Variants in GRAMD1B observed in about 807,000 individuals in gnomAD.
The protein encoded by GRAMD1B is GRAM domain containing 1B.
A neutral mutation model predicts 99.7 loss-of-function variants in GRAMD1B; 37 were observed. The ratio of observed to expected loss-of-function variants is 0.37; its 90% CI spans 0.29 to 0.49. The LOEUF is 0.49. GRAMD1B is among the 20% of genes least tolerant of loss of function. The pLI, the probability that GRAMD1B is intolerant of heterozygous loss-of-function variation, is 0.98. For synonymous variants in GRAMD1B, 427 were observed against 387.6 expected (o/e 1.10, Z -1.19); for missense variants, 888 against 1,009.2 (o/e 0.88, Z 1.63).
chr11:123,399,552 C>T (rs1005740736), intron 1 of GRAMD1B, among the ~76,000 whole-genome samples: 12 of 152,148 alleles, frequency 7.9e-5, no homozygotes, highest in Non-Finnish European at 1.6e-4. Flanking sequence ...TTCTCGCCAA[C>T]AGTGTGCAAG....
At chr11:123,440,101 A>G (rs984852481) in intron 1 of GRAMD1B, among the ~76,000 whole-genome samples, 3 of 152,238 alleles carry the variant, frequency 2.0e-5, no homozygotes, top group African/African-American at 7.2e-5. Flanking sequence ...TAGTTTAGTG[A>G]CACATTTTTG....
At chr11:123,530,029 A>G (rs1293962088) in intron 2 of GRAMD1B, among the ~76,000 whole-genome samples, 1 of 152,170 alleles carries the variant, frequency 6.6e-6, no homozygotes. Flanking sequence ...GACAGAGAGC[A>G]GGTGAAGCAT....
chr11:123,466,743 A>G (rs1039017800), intron 1 of GRAMD1B, among the ~76,000 whole-genome samples: 1 of 152,222 alleles, frequency 6.6e-6, no homozygotes, highest in South Asian at 2.1e-4. Flanking sequence ...GTTTTGACCA[A>G]TTCTTACAAA....
intron 1 of GRAMD1B, among the ~76,000 whole-genome samples, chr11:123,438,669 G>A (rs1417829412): frequency 6.6e-6 from 1 of 152,186 alleles, no homozygotes; most frequent in Non-Finnish European, 1.5e-5. Flanking sequence ...TTTCCTTGGT[G>A]GTTATGCACT....
intron 8 of GRAMD1B, among the ~76,000 whole-genome samples, chr11:123,601,545 GTA>G (rs1555097213): frequency 7.1e-6 from 1 of 141,550 alleles, no homozygotes; most frequent in African/African-American, 2.6e-5. Flanking sequence ...GTGTGTGTGT[GTA>G]TGATTGACAT....
At position 123,466,766 on chromosome 11, in the gene GRAMD1B, G is replaced by A. The variant is rs572746656; in HGVS notation, c.375-14050G>A. Among the ~76,000 whole-genome samples the A allele has an allele frequency of 2.0e-5, 3 of 152,302 alleles. No individual in the cohort carries two copies. In the South Asian group the frequency reaches 6.2e-4, roughly 32 times the overall value. ...CAATTCTTACAAACTTCAAGTTCTG[G>A]GAAGCAACTTGGTTGACCACATTAC... On this transcript the variant is annotated intron_variant, in intron 1 of 19. Coordinates refer to ENST00000635736, the MANE Select transcript of GRAMD1B (RefSeq NM_001387025.1).
At chr11:123,517,569 G>A (rs1021537417) in intron 2 of GRAMD1B, among the ~76,000 whole-genome samples, 2 of 152,162 alleles carry the variant, frequency 1.3e-5, no homozygotes, top group Non-Finnish European at 2.9e-5. Flanking sequence ...GTTGCTCAAG[G>A]TCACATAGCT....
chr11:123,385,941 G>T (rs1393810331), intron 1 of GRAMD1B, among the ~76,000 whole-genome samples: 1 of 152,138 alleles, frequency 6.6e-6, no homozygotes. Flanking sequence ...TATGCTTTGT[G>T]AAGTGGCCAA....
intron 2 of GRAMD1B, among the ~76,000 whole-genome samples, chr11:123,544,393 C>T (rs1944853341): frequency 2.0e-5 from 3 of 152,192 alleles, no homozygotes; most frequent in African/African-American, 4.8e-5. Flanking sequence ...CCCTGACCAC[C>T]TTTCCTTCCT....
chr11:123,499,374 T>C (rs576524947), intron 2 of GRAMD1B, among the ~76,000 whole-genome samples: 5 of 152,314 alleles, frequency 3.3e-5, no homozygotes, highest in Non-Finnish European at 7.3e-5. Context: ...CTTTATAAAT[T>C]AACCAGTCTG....
intron 2 of GRAMD1B, among the ~76,000 whole-genome samples, chr11:123,555,109 C>T (rs1461962302): frequency 6.6e-6 from 1 of 152,168 alleles, no homozygotes; most frequent in Non-Finnish European, 1.5e-5. Context: ...CAAGATATAA[C>T]ATTGTGCCAG....
intron 2 of GRAMD1B, among the ~76,000 whole-genome samples, chr11:123,484,778 GA>G (rs1275001217): frequency 6.6e-6 from 1 of 152,062 alleles, no homozygotes; most frequent in African/African-American, 2.4e-5. Flanking sequence ...CCTTCTCCTG[GA>G]GAGAACAAGT....
chr11:123,608,128 C>T (rs991562664), intron 11 of GRAMD1B: 4 of 196,688 alleles, frequency 2.0e-5, no homozygotes, highest in African/African-American at 4.6e-5. Context: ...AATAGGCTGT[C>T]TTATGGAACT....
intron 2 of GRAMD1B, among the ~76,000 whole-genome samples, chr11:123,489,034 A>T (rs1159502174): frequency 6.6e-6 from 1 of 152,062 alleles, no homozygotes. Context: ...TGGGCATGGA[A>T]GTGGGGCAGA....
chr11:123,570,829 T>A (rs895402727), intron 2 of GRAMD1B, among the ~76,000 whole-genome samples: 9 of 152,244 alleles, frequency 5.9e-5, no homozygotes, highest in African/African-American at 2.2e-4. Flanking sequence ...AGTAGTCCTA[T>A]GAGATAGGTG....
intron 1 of GRAMD1B, among the ~76,000 whole-genome samples, chr11:123,440,679 T>G (rs1270869099): frequency 6.6e-6 from 1 of 152,228 alleles, no homozygotes; most frequent in Non-Finnish European, 1.5e-5. Flanking sequence ...GGGTAACTTA[T>G]AAAGAAAAGA....
rs1159824685 is a variant in GRAMD1B, at chr11:123,591,384, C to T, written c.685-2698C>T. ...GCCAGGCGTCGTTGGGAGGGGCAGC[C>T]GTGCTGGGCAATGGAATCACTGACG... On this transcript the variant is annotated intron_variant, in intron 4 of 19. Transcript: ENST00000635736. This position sits in a 1 kb window ranked among gnomAD's most constrained non-coding sequence, Gnocchi z 4.7. 4 of 399,036 alleles carry T rather than the reference C, an allele frequency of 1.0e-5. No individual in the cohort carries two copies. Among genetic ancestry groups the T allele is most frequent in the Admixed American group, 8.8e-5 (2 of 22,724 alleles). The allele number at this position is 399,036 out of a possible 1,614,324, so 24.7% of individuals were successfully genotyped here. A position where few individuals can be genotyped will look rare whatever the true frequency, so the allele number is the denominator to read the frequency against.
rs1950177280 is a variant in GRAMD1B, at chr11:123,587,367, A to C, written c.684+3035A>C. On this transcript the variant is annotated intron_variant, in intron 4 of 19. Coordinates refer to ENST00000635736, the MANE Select transcript of GRAMD1B (RefSeq NM_001387025.1). This position sits in a 1 kb window ranked among gnomAD's most constrained non-coding sequence, Gnocchi z 4.2. ...TACTCCTCCTTACCCCCGAAGCCCC[A>C]GTCTACCACCCCAGTCATATTCATC... Among the ~76,000 whole-genome samples, 1 of 152,130 alleles carries C rather than the reference A, an allele frequency of 6.6e-6. No individual in the cohort carries two copies. Among genetic ancestry groups the C allele is most frequent in the Non-Finnish European group, 1.5e-5 (1 of 68,020 alleles).
Position 123,502,774 on chromosome 11 carries a change from C to CAAA in GRAMD1B, c.452+21898_452+21900dup, listed in dbSNP as rs34321315. 2.5e-3 allele frequency among the ~76,000 whole-genome samples: 248 copies of CAAA among 98,396 alleles called. 2 individuals carry two copies. The highest frequency in any genetic ancestry group is 8.5e-3 in the African/African-American group (216 of 25,492). 64.6% of individuals were successfully genotyped at this position (98,396 alleles called of 152,430 possible). ...TGGGTGGCAGAGCGAGACTCCATCT[C>CAAA]AAAAAAAAAAAAAAAAAAAGAAAGA... is the stretch of plus-strand genomic sequence containing the variant. On this transcript the variant is annotated intron_variant, in intron 2 of 19. Coordinates refer to ENST00000635736, the MANE Select transcript of GRAMD1B (RefSeq NM_001387025.1).
Sources: allele counts gnomAD v4.1 joint callset (sites outside exome capture counted in the v4.1 genomes callset), GRCh38; gene constraint gnomAD v4.1.1; non-coding constraint Gnocchi (gnomAD v3.1); transcripts MANE v1.5; gene names NCBI Gene and HGNC (gene_info 2026-07-23, HGNC 2026-07-21).